FAM107B: variants seen among roughly 807,000 people sequenced by gnomAD.
The protein encoded by FAM107B is family with sequence similarity 107 member B, also known as protein FAM107B.
Under a neutral mutation model 31.5 loss-of-function variants are expected in FAM107B, and 21 were observed. The ratio of observed to expected loss-of-function variants is 0.67; its 90% CI spans 0.47 to 0.96. The LOEUF (loss-of-function observed/expected upper bound fraction) is 0.96. FAM107B is among the 40% of genes least tolerant of loss of function. The pLI is 0.00. For synonymous variants in FAM107B, 157 were observed against 141.5 expected, an observed-to-expected ratio of 1.11 and a Z score of -0.78; for missense variants, 452 against 377.1, an observed-to-expected ratio of 1.20 and a Z score of -1.64.
At chr10:14,728,328 G>A (rs1856083261) in intron 1 of FAM107B, among the ~76,000 whole-genome samples, 1 of 147,780 alleles carries the variant, frequency 6.8e-6, no homozygotes, top group Admixed American at 6.7e-5. Context: ...TTTGGTATAA[G>A]GGGTGTGTGT....
At chr10:14,550,283 C>A (rs549499729) in intron 2 of FAM107B, among the ~76,000 whole-genome samples, 1 of 152,320 alleles carries the variant, frequency 6.6e-6, no homozygotes, top group South Asian at 2.1e-4. Flanking sequence ...CAAAACAAAG[C>A]CTTAATAGTC....
At chr10:14,602,095 T>C (rs1438743458) in intron 2 of FAM107B, among the ~76,000 whole-genome samples, 1 of 152,190 alleles carries the variant, frequency 6.6e-6, no homozygotes, top group Non-Finnish European at 1.5e-5. Context: ...CGTTTGACTT[T>C]TGCAGACAGA....
chr10:14,560,526 T>A (rs1850151058), intron 2 of FAM107B, among the ~76,000 whole-genome samples: 1 of 151,984 alleles, frequency 6.6e-6, no homozygotes. Flanking sequence ...CCAGCCTGAG[T>A]CAAGGAGGAC....
chr10:14,692,437 A>G (rs1261423836), intron 1 of FAM107B, among the ~76,000 whole-genome samples: 1 of 152,192 alleles, frequency 6.6e-6, no homozygotes, highest in Non-Finnish European at 1.5e-5. Context: ...CTTTAGGGAC[A>G]AGGGCAGATA....
At chr10:14,742,949 T>A (rs1832650493) in intron 1 of FAM107B, among the ~76,000 whole-genome samples, 1 of 152,194 alleles carries the variant, frequency 6.6e-6, no homozygotes, top group African/African-American at 2.4e-5. Flanking sequence ...ATGCACACAT[T>A]TTAATCTCTG....
At chr10:14,700,591 C>G (rs1331877075) in intron 1 of FAM107B, among the ~76,000 whole-genome samples, 1 of 151,914 alleles carries the variant, frequency 6.6e-6, no homozygotes, top group Non-Finnish European at 1.5e-5. Flanking sequence ...GTCTGAAAGC[C>G]CAGCCTGTGC....
At chr10:14,650,150 T>G (rs1588682462) in intron 2 of FAM107B, among the ~76,000 whole-genome samples, 3 of 152,198 alleles carry the variant, frequency 2.0e-5, no homozygotes, top group South Asian at 2.1e-4. Context: ...AGCAAAAGCA[T>G]GAAAGCCTCT....
chr10:14,636,347 T>A (rs75339560), intron 2 of FAM107B, among the ~76,000 whole-genome samples: 1 of 149,124 alleles, frequency 6.7e-6, no homozygotes, highest in African/African-American at 2.5e-5. Flanking sequence ...GAGAGAGAAA[T>A]GTCTACTTCT....
chr10:14,679,245 C>G (rs1156631494), intron 1 of FAM107B, among the ~76,000 whole-genome samples: 1 of 152,082 alleles, frequency 6.6e-6, no homozygotes, highest in Admixed American at 6.6e-5. Context: ...TCCTCCTACC[C>G]CAGCCTCCCG....
At chr10:14,527,375 C>T (rs1470767156) in intron 3 of FAM107B, among the ~76,000 whole-genome samples, 8 of 152,186 alleles carry the variant, frequency 5.3e-5, no homozygotes, top group Admixed American at 5.2e-4. Context: ...GCATAGGTTT[C>T]GCAGTTAGAA....
At chr10:14,662,170 A>G (rs935163608) in intron 2 of FAM107B, among the ~76,000 whole-genome samples, 1 of 152,336 alleles carries the variant, frequency 6.6e-6, no homozygotes, top group East Asian at 1.9e-4. Flanking sequence ...ATTGCAACGC[A>G]TCTTTAAAAT....
intron 1 of FAM107B, among the ~76,000 whole-genome samples, chr10:14,728,426 A>G (rs1856087239): frequency 6.6e-6 from 1 of 152,018 alleles, no homozygotes; most frequent in Admixed American, 6.6e-5. Context: ...AAGACAGAAG[A>G]CACTAAATAA....
intron 1 of FAM107B, among the ~76,000 whole-genome samples, chr10:14,678,951 A>T (rs780974995): frequency 6.6e-6 from 1 of 152,188 alleles, no homozygotes; most frequent in Non-Finnish European, 1.5e-5. Flanking sequence ...AACTATTGTG[A>T]AAAGTGCCAA....
intron 1 of FAM107B, among the ~76,000 whole-genome samples, chr10:14,762,409 C>T (rs1472711269): frequency 2.6e-5 from 4 of 152,104 alleles, no homozygotes; most frequent in South Asian, 4.2e-4. Context: ...AGAGGGTTTG[C>T]GAATTAGCAT....
chr10:14,669,440 C>T (rs115692995), intron 1 of FAM107B, among the ~76,000 whole-genome samples: 28 of 151,296 alleles, frequency 1.9e-4, no homozygotes, highest in South Asian at 6.3e-4. Context: ...GATATCTGCA[C>T]GCCCATATTT....
chr10:14,709,445 A>G (rs1855590713), intron 1 of FAM107B, among the ~76,000 whole-genome samples: 1 of 152,222 alleles, frequency 6.6e-6, no homozygotes, highest in Non-Finnish European at 1.5e-5. Context: ...CAGCAGGCAA[A>G]GAGAGAGAGC....
chr10:14,522,845 G>C (rs955900231), intron 3 of FAM107B, among the ~76,000 whole-genome samples: 7 of 152,112 alleles, frequency 4.6e-5, no homozygotes, highest in Admixed American at 3.9e-4. Flanking sequence ...GCACATCTGA[G>C]GTTATACCGT....
chr10:14,666,809 C>T (rs546136204), intron 2 of FAM107B, among the ~76,000 whole-genome samples: 2 of 152,212 alleles, frequency 1.3e-5, no homozygotes, highest in East Asian at 1.9e-4. Flanking sequence ...TGATTAATTG[C>T]TCATTGTGTC....
chr10:14,608,265 C>T (rs112245909), intron 2 of FAM107B, among the ~76,000 whole-genome samples: 7 of 152,278 alleles, frequency 4.6e-5, no homozygotes, highest in African/African-American at 1.7e-4. Flanking sequence ...ACATTTGAAT[C>T]GTAATCCATT....
Sources: allele counts gnomAD v4.1 joint callset (sites outside exome capture counted in the v4.1 genomes callset), GRCh38; gene constraint gnomAD v4.1.1; transcripts MANE v1.5; gene names NCBI Gene and HGNC (gene_info 2026-07-23, HGNC 2026-07-21).